The following SLC9A8 variants were observed in gnomAD, a reference collection of about 807,000 sequenced individuals.
SLC9A8 encodes sodium/hydrogen exchanger 8.
In SLC9A8, 48 loss-of-function variants were observed where a neutral mutation model predicts 66.6. The observed-to-expected ratio is 0.72, with a 90% CI of 0.57 to 0.92. SLC9A8 has a LOEUF of 0.92. Ranked by LOEUF, SLC9A8 falls within the 40% of genes least tolerant of loss-of-function variation. The probability of loss-of-function intolerance (pLI) is 0.00; values close to 1 mark genes in which losing one functional copy is unlikely to be tolerated. For synonymous variants in SLC9A8, 274 were observed against 282.6 expected (o/e 0.97, Z 0.31); for missense variants, 599 against 747.3 (o/e 0.80, Z 2.31).
rs1236339765 is a variant in SLC9A8 at position 49,883,995 on chromosome 20, A to G, written c.1420A>G (p.Met474Val). Reference sequence around the variant, plus strand: ...CAGCACCATGCCCCTCATTCGCCTCATGGACATCGAGGACGCCAAGGCACA... The same window carrying G: ...CAGCACCATGCCCCTCATTCGCCTCGTGGACATCGAGGACGCCAAGGCACA... ...GGSTMPLIRL[M>V]DIEDAKAHRR... Residue 474 changes from methionine to valine, a missense_variant, in exon 14 of 16, where the codon ATG becomes GTG. Around this residue, in one of 2 missense-constraint regions of SLC9A8, gnomAD observed 467 missense variants for 626.5 expected, o/e 0.75. Coordinates refer to ENST00000361573, the MANE Select transcript of SLC9A8 (RefSeq NM_015266.3). 1 of 1,613,610 alleles carries G rather than the reference A, an allele frequency of 6.2e-7. No individual in the cohort carries two copies. Among genetic ancestry groups the G allele is most frequent in the Non-Finnish European group, 8.5e-7 (1 of 1,179,966 alleles).
intron 7 of SLC9A8, among the ~76,000 whole-genome samples, chr20:49,851,877 A>T (rs2088268500): frequency 1.3e-5 from 2 of 152,364 alleles, no homozygotes; most frequent in South Asian, 2.1e-4. Flanking sequence ...AAGGTATCAC[A>T]GTATTCAAAC....
At chr20:49,854,064 G>A (rs2088362904) in intron 7 of SLC9A8, among the ~76,000 whole-genome samples, 1 of 152,196 alleles carries the variant, frequency 6.6e-6, no homozygotes, top group South Asian at 2.1e-4. Context: ...CAGGGCAGTC[G>A]TCTCTGGCTG....
intron 9 of SLC9A8, among the ~76,000 whole-genome samples, chr20:49,864,346 A>G (rs1174851251): frequency 6.6e-6 from 1 of 152,154 alleles, no homozygotes; most frequent in South Asian, 2.1e-4. Context: ...TTGTTGGAGG[A>G]GTGGGGGTGA....
chr20:49,816,432 CAAAA>C (rs763431051), intron 2 of SLC9A8, among the ~76,000 whole-genome samples: 8 of 148,678 alleles, frequency 5.4e-5, no homozygotes, highest in Non-Finnish European at 1.0e-4. Flanking sequence ...AAAAAAAAAA[CAAAA>C]AAAACCAAAA....
rs1452278895 is a variant in SLC9A8, at chr20:49,886,759, C to T, written c.1499C>T (p.Thr500Ile). 3.7e-6 allele frequency: 6 copies of T among 1,613,844 alleles called. No homozygotes were observed. Among genetic ancestry groups the T allele is most frequent in the Non-Finnish European group, 4.2e-6 (5 of 1,179,908 alleles). The change falls in exon 15 of 16, where the codon ACT becomes ATT. Residue 500 changes from threonine to isoleucine, a missense_variant. Coordinates refer to ENST00000361573, the MANE Select transcript of SLC9A8 (RefSeq NM_015266.3). The surrounding 1 kb of genome is among the most constrained non-coding windows in gnomAD (Gnocchi z 4.8). ...CCTTTCCTCCCTGCTCAGGGCAACA[C>T]TGTGGAGTCGGAGCACCTGTCGGAG... ...NLSKTEKMGN[T>I]VESEHLSELT... is the part of the protein sequence containing the mutation.
chr20:49,815,208 A>G lies in SLC9A8; in HGVS notation c.208+19A>G, dbSNP rs746886045. On this transcript the variant is annotated intron_variant, in intron 2 of 15. Transcript: ENST00000361573. The stretch of plus-strand genomic sequence containing the variant: ...GTCCTAGGTGAATATGGACACTGTC[A>G]TCCCCATCATCTGCCATCCCGTGTC... 1.7e-5 allele frequency: 25 copies of G among 1,497,274 alleles called. No individual in the cohort carries two copies. In the South Asian group the frequency reaches 2.8e-4, roughly 17 times the overall value. 92.7% of individuals were successfully genotyped at this position (1,497,274 alleles called of 1,614,324 possible).
chr20:49,843,913 C>CT (rs1033781936), intron 4 of SLC9A8, among the ~76,000 whole-genome samples: 1 of 152,050 alleles, frequency 6.6e-6, no homozygotes, highest in African/African-American at 2.4e-5. Context: ...TGTTCGTTCC[C>CT]TATACAGCTG....
At chr20:49,847,563 C>T (rs144764813) in intron 5 of SLC9A8, among the ~76,000 whole-genome samples, 91 of 151,994 alleles carry the variant, frequency 6.0e-4, no homozygotes, top group Admixed American at 1.1e-3. Context: ...TTTCTACCCT[C>T]GCCCAAAGAT....
intron 11 of SLC9A8, among the ~76,000 whole-genome samples, chr20:49,875,911 T>C (rs966416149): frequency 1.3e-5 from 2 of 152,078 alleles, no homozygotes; most frequent in Non-Finnish European, 2.9e-5. Flanking sequence ...ATTTTGTTTT[T>C]TGTATTTTTA....
intron 10 of SLC9A8, among the ~76,000 whole-genome samples, chr20:49,870,066 T>C (rs879840843): frequency 1.8e-4 from 27 of 152,352 alleles, no homozygotes; most frequent in Middle Eastern, 3.4e-3. Flanking sequence ...GACCTGTCTG[T>C]ACTGCCATGG....
chr20:49,813,453 C>T (rs1339328942), intron 1 of SLC9A8, among the ~76,000 whole-genome samples: 1 of 152,234 alleles, frequency 6.6e-6, no homozygotes, highest in Non-Finnish European at 1.5e-5. Flanking sequence ...AGGAGCCGCT[C>T]TCTGGGAGCT....
chr20:49,855,236 C>T (rs1247998558), intron 7 of SLC9A8, among the ~76,000 whole-genome samples: 1 of 152,244 alleles, frequency 6.6e-6, no homozygotes. Context: ...CCATTCCTAA[C>T]AACTCAGTTT....
At chr20:49,855,754 AGAATATGG>A (rs951090510) in intron 8 of SLC9A8, among the ~76,000 whole-genome samples, 173 bp downstream of exon 8, 2 of 152,154 alleles carry the variant, frequency 1.3e-5, no homozygotes, top group Admixed American at 6.5e-5. Flanking sequence ...ATGTGCTGCA[AGAATATGG>A]TCAGGTTCCA....
chr20:49,832,931 A>T (rs1292001713), intron 3 of SLC9A8, among the ~76,000 whole-genome samples: 3 of 151,010 alleles, frequency 2.0e-5, no homozygotes, highest in Non-Finnish European at 4.4e-5. Flanking sequence ...TTGGAGACAG[A>T]GTCTCACTCT....
chr20:49,880,646 G>A (rs1244553009), intron 12 of SLC9A8, among the ~76,000 whole-genome samples: 2 of 152,196 alleles, frequency 1.3e-5, no homozygotes, highest in African/African-American at 4.8e-5. Flanking sequence ...CATTACTAAA[G>A]CCCTTCCTGA....
chr20:49,815,283 G>C, intron 2 of SLC9A8, 94 bp downstream of exon 2: 1 of 1,102,576 alleles, frequency 9.1e-7, no homozygotes, highest in Non-Finnish European at 1.2e-6. Context: ...TGACTGTCAA[G>C]TCTTCCTCCC....
chr20:49,824,159 A>G lies in SLC9A8; in HGVS notation c.289+1018A>G, dbSNP rs1249162748. On this transcript the variant is annotated intron_variant, in intron 3 of 15. Transcript: ENST00000361573. ...CTTGTGAGGCTTCACATTGTCATCT[A>G]TCTCATTTATGCCTTATGACCTCCA... 3.9e-5 allele frequency among the ~76,000 whole-genome samples: 6 copies of G among 152,264 alleles called. No homozygotes were observed. In the East Asian group the frequency reaches 5.8e-4, roughly 15 times the overall value.
chr20:49,883,901 G>A lies in SLC9A8; in HGVS notation c.1326G>A (p.Met442Ile), dbSNP rs1024619283. The A allele has an allele frequency of 4.3e-6, 7 of 1,610,772 alleles. No homozygotes were observed. Among genetic ancestry groups the A allele is most frequent in the Non-Finnish European group, 5.1e-6 (6 of 1,180,000 alleles). Residue 442 changes from methionine (M) to isoleucine (I), a missense_variant, in exon 14 of 16, where the codon ATG (methionine) becomes ATA (isoleucine). By Grantham distance (10) the Met-to-Ile change is conservative (BLOSUM62 1). Coordinates refer to ENST00000361573, the MANE Select transcript of SLC9A8 (RefSeq NM_015266.3). Reference sequence around the variant, plus strand: ...GCCTACACCTGGACCTGGAGCCCATGGAGAAGCGGCAGCTCATCGGCACCA... The same window carrying A: ...GCCTACACCTGGACCTGGAGCCCATAGAGAAGCGGCAGCTCATCGGCACCA... ...ALSLHLDLEP[M>I]EKRQLIGTTT...
intron 8 of SLC9A8, among the ~76,000 whole-genome samples, chr20:49,857,624 A>G (rs1056086605): frequency 2.0e-5 from 3 of 152,234 alleles, no homozygotes; most frequent in Non-Finnish European, 2.9e-5. Context: ...AGGCTGAGGC[A>G]GGAGAATCGC....
Sources: gnomAD v4.1 joint callset for allele counts (sites outside exome capture counted in the v4.1 genomes callset) on GRCh38, gnomAD v4.1.1 for gene constraint, gnomAD v4.1.1 regional missense constraint, Gnocchi (gnomAD v3.1) non-coding constraint, MANE v1.5 for transcripts, NCBI Gene and HGNC (gene_info 2026-07-23, HGNC 2026-07-21) for gene names.